Variants in CARMIL1 observed in about 807,000 individuals in gnomAD.
The protein encoded by CARMIL1 is F-actin-uncapping protein LRRC16A.
A neutral mutation model predicts 177.1 loss-of-function variants in CARMIL1; 90 were observed. That is an observed-to-expected ratio of 0.51 (90% CI 0.43 to 0.61). The LOEUF (loss-of-function observed/expected upper bound fraction) is 0.61, where lower values mean the gene tolerates loss of function less well. Among genes scored for constraint, CARMIL1 ranks in the 20% least tolerant of loss-of-function variants. The probability of loss-of-function intolerance (pLI) is 0.00; values close to 1 mark genes in which losing one functional copy is unlikely to be tolerated. For missense variants in CARMIL1, 1,380 were observed against 1,667.0 expected, an observed-to-expected ratio of 0.83 and a Z score of 3.00; for synonymous variants, 577 against 606.2, an observed-to-expected ratio of 0.95 and a Z score of 0.71.
rs1167970168 is a variant in CARMIL1 at position 25,539,975 on chromosome 6, G to A, written c.2225G>A (p.Gly742Asp). The A allele has an allele frequency of 6.3e-7, 1 of 1,597,494 alleles. No individual in the cohort carries two copies. The highest frequency in any genetic ancestry group is 8.5e-7 in the Non-Finnish European group (1 of 1,173,296). ...TTACCAAATTTATACCATGTTGGTG[G>A]TGCATCTTGGGCGGGAGCCAGTGGC... ...TLLPNLYHVG[G>D]ASWAGASGLL... Residue 742 changes from glycine to aspartate, a missense_variant, in exon 26 of 37, where the codon GGT becomes GAT. Coordinates refer to ENST00000329474, the MANE Select transcript of CARMIL1 (RefSeq NM_017640.6).
intron 8 of CARMIL1, among the ~76,000 whole-genome samples, chr6:25,463,694 G>A (rs1193789158): frequency 6.6e-6 from 1 of 152,172 alleles, no homozygotes; most frequent in East Asian, 1.9e-4. Context: ...CCTTAGAGAA[G>A]CTACAACCTG....
Position 25,556,921 on chromosome 6 carries a change from T to TTTAA in CARMIL1, c.2742+71_2742+72insTTAA, listed in dbSNP as rs1554223600. ...GTGCCATTGTTTTTTTTTTTTTTTT[T>TTTAA]AAATCTCACCTTTTGAAATCAGACC... On this transcript the variant is annotated intron_variant, in intron 29 of 36. Transcript: ENST00000329474. The TTTAA allele has an allele frequency of 2.1e-3, 2,794 of 1,351,724 alleles. 3 individuals are homozygous for TTTAA. Among genetic ancestry groups the TTTAA allele is most frequent in the Middle Eastern group, 3.4e-3 (18 of 5,314 alleles). The allele number at this position is 1,351,724 out of a possible 1,614,324, so 83.7% of individuals were successfully genotyped here. A position where few individuals can be genotyped will look rare whatever the true frequency, so the allele number is the denominator to read the frequency against.
At chr6:25,288,992 G>A (rs1021231199) in intron 2 of CARMIL1, among the ~76,000 whole-genome samples, 1 of 152,182 alleles carries the variant, frequency 6.6e-6, no homozygotes, top group East Asian at 1.9e-4. Flanking sequence ...ATTGGATAAA[G>A]TATGCTGTTT....
At chr6:25,618,899 T>C (rs1206995344) in intron 36 of CARMIL1, among the ~76,000 whole-genome samples, 1 of 152,134 alleles carries the variant, frequency 6.6e-6, no homozygotes, top group Non-Finnish European at 1.5e-5. Context: ...GAAACTGAGG[T>C]TTTCTGAGTC....
At chr6:25,292,056 A>T (rs1035315665) in intron 2 of CARMIL1, among the ~76,000 whole-genome samples, 1 of 152,198 alleles carries the variant, frequency 6.6e-6, no homozygotes, top group Non-Finnish European at 1.5e-5. Flanking sequence ...TTATTCCAGT[A>T]GTTAAAATAG....
intron 29 of CARMIL1, among the ~76,000 whole-genome samples, chr6:25,560,749 T>G (rs1811037635): frequency 6.6e-6 from 1 of 152,218 alleles, no homozygotes; most frequent in Non-Finnish European, 1.5e-5. Context: ...AAAATTTGCA[T>G]TCAATTTAGT....
chr6:25,446,757 G>T (rs1003288535), intron 5 of CARMIL1, among the ~76,000 whole-genome samples: 2 of 152,136 alleles, frequency 1.3e-5, no homozygotes, highest in Non-Finnish European at 2.9e-5. Context: ...CACTAAGCTT[G>T]TTTCTAGCTT....
chr6:25,532,503 T>C (rs989107938), intron 24 of CARMIL1, among the ~76,000 whole-genome samples: 2 of 152,192 alleles, frequency 1.3e-5, no homozygotes, highest in Non-Finnish European at 2.9e-5. Flanking sequence ...CTTTAATCAT[T>C]TTAGTCACTT....
At chr6:25,303,447 G>C (rs1452853019) in intron 2 of CARMIL1, among the ~76,000 whole-genome samples, 7 of 152,190 alleles carry the variant, frequency 4.6e-5, no homozygotes. Flanking sequence ...GAATAGGTGT[G>C]CTGGGTGAGA....
chr6:25,501,342 A>G (rs949405141), intron 17 of CARMIL1, among the ~76,000 whole-genome samples: 1 of 152,020 alleles, frequency 6.6e-6, no homozygotes, highest in African/African-American at 2.4e-5. Flanking sequence ...AATTAACTCA[A>G]CATGCAGTCT....
chr6:25,557,922 A>G (rs1223750773), intron 29 of CARMIL1, among the ~76,000 whole-genome samples: 1 of 152,224 alleles, frequency 6.6e-6, no homozygotes, highest in Non-Finnish European at 1.5e-5. Context: ...AGAAAGCCTA[A>G]TGTATAATCC....
rs76720207 is a variant in CARMIL1, at chr6:25,309,480, T to C, written c.138+24571T>C. On this transcript the variant is annotated intron_variant, in intron 2 of 36. Coordinates refer to ENST00000329474, the MANE Select transcript of CARMIL1 (RefSeq NM_017640.6). ...CTATTACCAGAATCAATTTTGAGCC[T>C]TTTTTTTTTTTTAACCCCAAAAAGA... Among the ~76,000 whole-genome samples the C allele has an allele frequency of 1.0e-4, 7 of 69,064 alleles. No homozygotes were observed. The East Asian group carries it at 3.3e-3, about 32-fold the overall frequency. 45.3% of individuals were successfully genotyped at this position (69,064 alleles called of 152,430 possible). A position where few individuals can be genotyped will look rare whatever the true frequency, so the allele number is the denominator to read the frequency against.
chr6:25,606,000 C>G (rs1464011899), intron 34 of CARMIL1, 61 bp from the exon 35 acceptor site: 2 of 1,221,184 alleles, frequency 1.6e-6, no homozygotes, highest in Non-Finnish European at 2.3e-6. Flanking sequence ...TACCAGACTT[C>G]TAGCTTCAAG....
intron 2 of CARMIL1, among the ~76,000 whole-genome samples, chr6:25,295,907 T>A (rs1782335143): frequency 6.6e-6 from 1 of 152,222 alleles, no homozygotes; most frequent in Non-Finnish European, 1.5e-5. Context: ...TTTGCCCTTG[T>A]CGTGGGACTT....
chr6:25,575,399 T>C (rs1234703720), intron 29 of CARMIL1, among the ~76,000 whole-genome samples: 5 of 152,224 alleles, frequency 3.3e-5, no homozygotes, highest in South Asian at 2.1e-4. Context: ...CCATCACTTA[T>C]AATGATCTTT....
intron 2 of CARMIL1, among the ~76,000 whole-genome samples, chr6:25,305,704 T>A (rs756755140): frequency 1.3e-5 from 2 of 152,238 alleles, no homozygotes; most frequent in African/African-American, 2.4e-5. Flanking sequence ...TGGTCCCTGC[T>A]AGCTAATGGT....
rs1223932542 is a variant in CARMIL1, at chr6:25,500,241, A to G, written c.1395+6A>G. 1 of 1,612,830 alleles carries G rather than the reference A, an allele frequency of 6.2e-7. No homozygotes were observed. Among genetic ancestry groups the G allele is most frequent in the African/African-American group, 1.3e-5 (1 of 74,906 alleles). On this transcript the variant is annotated splice_donor_region_variant and intron_variant, in intron 17 of 36. Coordinates refer to ENST00000329474, the MANE Select transcript of CARMIL1 (RefSeq NM_017640.6). The stretch of plus-strand genomic sequence containing the variant: ...TGGATCTCAGCAACTGTGAGGTAAG[A>G]ACACCCTTAGATTGTATACTGGAAT...
intron 16 of CARMIL1, 83 bp downstream of exon 16, chr6:25,495,298 T>A: frequency 1.1e-6 from 1 of 920,990 alleles, no homozygotes; most frequent in East Asian, 2.7e-5. Context: ...GAGAAAGATA[T>A]ATAATCCAAA....
intron 8 of CARMIL1, among the ~76,000 whole-genome samples, 182 bp downstream of exon 8, chr6:25,450,893 C>CTT: frequency 8.0e-6 from 1 of 124,610 alleles, no homozygotes; most frequent in Non-Finnish European, 1.7e-5. Context: ...TTTTTCTTTT[C>CTT]TTTTCTTTTT....
Sources: allele counts gnomAD v4.1 joint callset (sites outside exome capture counted in the v4.1 genomes callset), GRCh38; gene constraint gnomAD v4.1.1; transcripts MANE v1.5; gene names NCBI Gene and HGNC (gene_info 2026-07-23, HGNC 2026-07-21).